Variants in TRAK2 observed in about 807,000 individuals in gnomAD.
The protein encoded by TRAK2 is trafficking kinesin protein 2.
A neutral mutation model predicts 104.6 loss-of-function variants in TRAK2; 81 were observed. That is an observed-to-expected ratio of 0.77 (90% CI 0.65 to 0.93). The LOEUF (loss-of-function observed/expected upper bound fraction) is 0.93, where lower values mean the gene tolerates loss of function less well. Among genes scored for constraint, TRAK2 ranks in the 40% least tolerant of loss-of-function variants. The pLI, the probability that TRAK2 is intolerant of heterozygous loss-of-function variation, is 0.00. For missense variants in TRAK2, 1,002 were observed against 1,089.0 expected (o/e 0.92, Z 1.12); for synonymous variants, 406 against 394.4 (o/e 1.03, Z -0.35).
At chr2:201,423,037 CCACACACACACACA>C (rs142826543) in intron 1 of TRAK2, among the ~76,000 whole-genome samples, 28 of 134,224 alleles carry the variant, frequency 2.1e-4, no homozygotes, top group South Asian at 7.9e-4. Context: ...AACACCACCA[CCACACACACACACA>C]CACACACACA....
chr2:201,417,239 T>TG (rs1951700201), intron 2 of TRAK2, among the ~76,000 whole-genome samples: 1 of 52,872 alleles, frequency 1.9e-5, no homozygotes, highest in South Asian at 6.1e-4. Context: ...GCGAAGACAT[T>TG]GCAAAAAAAA....
Position 201,393,038 on chromosome 2 carries a change from C to CT in TRAK2, c.983dup (p.Leu329ValfsTer14). The CT allele has an allele frequency of 1.2e-6, 2 of 1,610,066 alleles. No individual in the cohort carries two copies. Among genetic ancestry groups the CT allele is most frequent in the Non-Finnish European group, 1.7e-6 (2 of 1,177,984 alleles). The stretch of plus-strand genomic sequence containing the variant: ...GACACTCCATATTCCTGTCTTGTAA[C>CT]TCGTGCAGCTAAAAGAAAGGATGGT... On this transcript the variant is annotated frameshift_variant, in exon 10 of 16. Transcript: ENST00000332624. LOFTEE classifies it high-confidence loss of function.
rs964069663 is a variant in TRAK2, at chr2:201,384,354, T to C, written c.1964-138A>G. The C allele has an allele frequency of 1.0e-5, 7 of 666,836 alleles. No homozygotes were observed. The Admixed American group carries it at 1.5e-4, about 14-fold the overall frequency. The allele number at this position is 666,836 out of a possible 1,614,324, so 41.3% of individuals were successfully genotyped here. ...AAAATCCCCAAATCTGGAAATGAAA[T>C]AAATATACATAAAGATTGTACTAGT... On this transcript the variant is annotated intron_variant, in intron 14 of 15. Coordinates refer to ENST00000332624, the MANE Select transcript of TRAK2 (RefSeq NM_015049.3).
chr2:201,400,996 G>C (rs201589540), intron 4 of TRAK2, 22 bp downstream of exon 4: 232 of 1,593,370 alleles, frequency 1.5e-4, no homozygotes, highest in Non-Finnish European at 1.8e-4. Flanking sequence ...TTTTGTACTG[G>C]AGAAAGAAAA....
In TRAK2 at chr2:201,384,098, C is replaced by T. The variant is rs1234982093; in HGVS notation, c.2069+13G>A. The T allele has an allele frequency of 2.6e-6, 4 of 1,568,542 alleles. No homozygotes were observed. The highest frequency in any genetic ancestry group is 1.8e-5 in the Admixed American group (1 of 55,840). ...GAAAGAAGTGAGGCCCCAGATTTCC[C>T]AGGCACTCTTACCTGGGGGTAACCT... On this transcript the variant is annotated intron_variant, in intron 15 of 15. Transcript: ENST00000332624.
In TRAK2 at chr2:201,387,941, C is replaced by T. The variant is rs1951407439; in HGVS notation, c.1458G>A (p.Leu486=). Residue 486 remains leucine (L), a synonymous_variant, in exon 13 of 16, where the codon CTG becomes CTA. Coordinates refer to ENST00000332624, the MANE Select transcript of TRAK2 (RefSeq NM_015049.3). The part of the protein sequence containing the change: ...PSGDSDLATA[L]HRLSLRRQNY... ...TTTGTCGACGCAAGCTAAGGCGATG[C>T]AGTGCTGTAGCCAAATCACTATCTC... 6.2e-7 allele frequency: 1 copy of T among 1,614,138 alleles called. No homozygotes were observed. Among genetic ancestry groups the T allele is most frequent in the Non-Finnish European group, 8.5e-7 (1 of 1,180,006 alleles).
rs1951546168 is a variant in TRAK2, at chr2:201,401,008, A to C, written c.363+10T>G. On this transcript the variant is annotated intron_variant, in intron 4 of 15. Coordinates refer to ENST00000332624, the MANE Select transcript of TRAK2 (RefSeq NM_015049.3). ...CCTTTTTGTACTGGAGAAAGAAAAG[A>C]TATTCCTACCTCTGCCAGGAGATGT... 18 of 1,606,486 alleles carry C rather than the reference A, an allele frequency of 1.1e-5. No individual in the cohort carries two copies. The highest frequency in any genetic ancestry group is 1.4e-5 in the Non-Finnish European group (16 of 1,174,724).
intron 1 of TRAK2, among the ~76,000 whole-genome samples, chr2:201,426,230 G>A (rs1446474789): frequency 6.6e-6 from 1 of 152,138 alleles, no homozygotes; most frequent in Non-Finnish European, 1.5e-5. Flanking sequence ...ATCAGCGGCA[G>A]CATTAGATTC....
chr2:201,429,032 T>C (rs1000847626), intron 1 of TRAK2, among the ~76,000 whole-genome samples: 3 of 152,252 alleles, frequency 2.0e-5, no homozygotes, highest in Non-Finnish European at 4.4e-5. Flanking sequence ...TCCTGAGACT[T>C]TGCTGAAGTT....
At chr2:201,407,919 CA>C (rs1951609918) in intron 2 of TRAK2, among the ~76,000 whole-genome samples, 2 of 152,070 alleles carry the variant, frequency 1.3e-5, no homozygotes, top group African/African-American at 4.8e-5. Context: ...CACCTGTATA[CA>C]ATGTATAATG....
intron 1 of TRAK2, among the ~76,000 whole-genome samples, chr2:201,436,480 C>A (rs1271066145): frequency 6.6e-6 from 1 of 152,210 alleles, no homozygotes; most frequent in African/African-American, 2.4e-5. Flanking sequence ...ATTGTGCTAA[C>A]AGATTTAAGA....
In TRAK2 at chr2:201,381,113, GATGGACTCACCA is replaced by G. The variant is rs775918684; in HGVS notation, c.2163_2174del (p.Gly722_Ile725del). The G allele has an allele frequency of 3.8e-5, 61 of 1,613,996 alleles. No individual in the cohort carries two copies. The highest frequency in any genetic ancestry group is 5.0e-5 in the Non-Finnish European group (59 of 1,179,980). On this transcript the variant is annotated inframe_deletion, in exon 16 of 16. Coordinates refer to ENST00000332624, the MANE Select transcript of TRAK2 (RefSeq NM_015049.3). ...TTGTAGTGGAATCTCGTCGGTTGGT[GATGGACTCACCA>G]ATGCTGAGTCTATAGGACAAGGCAG...
At chr2:201,426,534 T>C (rs1413078917) in intron 1 of TRAK2, among the ~76,000 whole-genome samples, 1 of 152,150 alleles carries the variant, frequency 6.6e-6, no homozygotes, top group African/African-American at 2.4e-5. Flanking sequence ...CATGGAAAAA[T>C]TGTCTTCCAC....
chr2:201,438,695 C>T (rs1328567417), intron 1 of TRAK2, among the ~76,000 whole-genome samples: 2 of 152,138 alleles, frequency 1.3e-5, no homozygotes, highest in African/African-American at 2.4e-5. Flanking sequence ...TTTAAAAACA[C>T]ATAGTGGTTA....
chr2:201,386,135 A>G lies in TRAK2; in HGVS notation c.1963+83T>C, dbSNP rs577910566. The G allele has an allele frequency of 8.9e-6, 13 of 1,460,308 alleles. No homozygotes were observed. In the African/African-American group the frequency reaches 1.8e-4, roughly 20 times the overall value. 90.5% of individuals were successfully genotyped at this position (1,460,308 alleles called of 1,614,324 possible). ...AGATTAAGTACCCTCCAGTGAGCAG[A>G]GGTAGCCAGCTGACTGTCTAGTAAG... On this transcript the variant is annotated intron_variant, in intron 14 of 15. Transcript: ENST00000332624.
intron 1 of TRAK2, among the ~76,000 whole-genome samples, chr2:201,431,119 A>C (rs1951839032): frequency 1.3e-5 from 2 of 152,236 alleles, no homozygotes; most frequent in Admixed American, 1.3e-4. Flanking sequence ...CTGCTAATAA[A>C]GTTTCAAGTG....
chr2:201,442,576 GTCA>G (rs1189600548), intron 1 of TRAK2, among the ~76,000 whole-genome samples: 1 of 152,178 alleles, frequency 6.6e-6, no homozygotes, highest in Non-Finnish European at 1.5e-5. Flanking sequence ...GGCAAATTCA[GTCA>G]TCAACTGTGG....
Position 201,447,529 on chromosome 2 carries a change from C to T in TRAK2, c.-200+3821G>A, listed in dbSNP as rs13409530. 0.012 allele frequency among the ~76,000 whole-genome samples: 1,877 copies of T among 152,258 alleles called. 56 individuals carry two copies. Among genetic ancestry groups the T allele is most frequent in the African/African-American group, 0.043 (1,784 of 41,522 alleles). On this transcript the variant is annotated intron_variant, in intron 1 of 15. Transcript: ENST00000332624. This position sits in a 1 kb window ranked among gnomAD's most constrained non-coding sequence, Gnocchi z 4.1. ...AATCAAGGTGTTGGCAGGTTGGTTT[C>T]TCCTGAGGCCTCTCTCCTTGGTCTT...
chr2:201,406,895 T>C (rs907655046), intron 3 of TRAK2, among the ~76,000 whole-genome samples: 1 of 152,188 alleles, frequency 6.6e-6, no homozygotes, highest in Non-Finnish European at 1.5e-5. Flanking sequence ...TAGGAATCCT[T>C]AAATAATGAA....
Sources: gnomAD v4.1 joint callset for allele counts (sites outside exome capture counted in the v4.1 genomes callset) on GRCh38, gnomAD v4.1.1 for gene constraint, Gnocchi (gnomAD v3.1) non-coding constraint, MANE v1.5 for transcripts, NCBI Gene and HGNC (gene_info 2026-07-23, HGNC 2026-07-21) for gene names.